BCORL1: variants seen among roughly 807,000 people sequenced by gnomAD.
BCORL1 encodes the protein BCL6 corepressor like 1, also known as BCL-6 corepressor-like protein 1.
A neutral mutation model predicts 87.6 loss-of-function variants in BCORL1; 7 were observed. That is an observed-to-expected ratio of 0.08 (90% confidence interval 0.05 to 0.15). The LOEUF (loss-of-function observed/expected upper bound fraction) is 0.15. BCORL1 is among the 10% of genes least tolerant of loss of function. BCORL1 has a pLI of 1.00. For missense variants in BCORL1, 1,215 were observed against 1,499.7 expected, an observed-to-expected ratio of 0.81 and a Z score of 3.13; for synonymous variants, 591 against 634.4, an observed-to-expected ratio of 0.93 and a Z score of 1.03.
chrX:130,043,864 G>A (rs1222581993), intron 11 of BCORL1, among the ~76,000 whole-genome samples: 53 of 89,380 alleles, frequency 5.9e-4, no homozygotes, highest in Non-Finnish European at 8.5e-4. Flanking sequence ...CTGCCTCCCT[G>A]GTTCACGCCA....
intron 1 of BCORL1, among the ~76,000 whole-genome samples, chrX:130,001,974 AT>A (rs1467011944): frequency 5.4e-5 from 6 of 110,757 alleles, no homozygotes; most frequent in Non-Finnish European, 1.1e-4. Context: ...GTGAGAGCTG[AT>A]GAGGGCCTGC....
At position 130,022,875 on chromosome X, in the gene BCORL1, C is replaced by G. The variant is rs748122414; in HGVS notation, c.3608-22C>G. On this transcript the variant is annotated intron_variant, in intron 5 of 13. Coordinates refer to ENST00000540052, the MANE Select transcript of BCORL1 (RefSeq NM_001379451.1). ...GATTGTAACATTTCTGCCTTCTGTC[C>G]CCAAACCACACATCACTCCAGGTTC... The G allele has an allele frequency of 1.5e-4, 178 of 1,194,840 alleles. 1 individual carries two copies. Among genetic ancestry groups the G allele is most frequent in the Non-Finnish European group, 2.9e-5 (26 of 881,715 alleles).
At chrX:129,990,844 G>A (rs1385868659) in intron 1 of BCORL1, among the ~76,000 whole-genome samples, 1 of 111,308 alleles carries the variant, frequency 9.0e-6, no homozygotes, top group Non-Finnish European at 1.9e-5. Flanking sequence ...AAACTCTAGG[G>A]AACATTTCGG....
chrX:130,055,068 G>C (rs111404086), intron 13 of BCORL1, among the ~76,000 whole-genome samples: 128 of 111,654 alleles, frequency 1.1e-3, no homozygotes, highest in African/African-American at 3.9e-3. Context: ...GTGGAATAGT[G>C]AGGAGGGAAA....
Position 130,021,062 on chromosome X carries a change from CA to C in BCORL1, c.3521del (p.Asn1174MetfsTer48). ...GGGCTTCAGATTCAGGAAAAGAGCA[CA>C]ATGGAGTCAGGGGAAAGCACAAGCA... ...RGASDSGKEH[N>X]GVRGKHKHRK... On this transcript the variant is annotated frameshift_variant, in exon 5 of 14. Coordinates refer to ENST00000540052, the MANE Select transcript of BCORL1 (RefSeq NM_001379451.1). LOFTEE classifies it high-confidence loss of function. The C allele has an allele frequency of 8.4e-7, 1 of 1,195,281 alleles. No individual in the cohort carries two copies. The highest frequency in any genetic ancestry group is 1.1e-6 in the Non-Finnish European group (1 of 889,252).
rs143911631 is a variant in BCORL1, at chrX:130,056,072, G to C, written c.5294G>C (p.Arg1765Pro). 33 of 1,204,631 alleles carry C rather than the reference G, an allele frequency of 2.7e-5. No individual in the cohort carries two copies. The highest frequency in any genetic ancestry group is 1.2e-5 in the Non-Finnish European group (11 of 891,625). The change falls in exon 14 of 14, where the codon CGG becomes CCG. Residue 1765 changes from arginine (R) to proline (P), a missense_variant. Coordinates refer to ENST00000540052, the MANE Select transcript of BCORL1 (RefSeq NM_001379451.1). ...TCCTCTGAGACTGTGGAGCTGGTGC[G>C]GTACGAGCCAGACCTACTTCGGCTC... ...PGSSETVELV[R>P]YEPDLLRLLG...
Position 130,000,283 on chromosome X carries a change from C to T in BCORL1, c.-44-4905C>T, listed in dbSNP as rs767490636. 5.8e-3 allele frequency among the ~76,000 whole-genome samples: 652 copies of T among 111,599 alleles called. 4 individuals are homozygous for T. Among genetic ancestry groups the T allele is most frequent in the Non-Finnish European group, 9.5e-3 (507 of 53,111 alleles). ...GAACTCCTGGACTCAAGCAATCCTC[C>T]CAGCTCAACCTCCCAAAGTTCTGGG... On this transcript the variant is annotated intron_variant, in intron 1 of 13. Transcript: ENST00000540052.
In BCORL1 at chrX:130,021,046, A is replaced by T. The variant is rs1377268528; in HGVS notation, c.3503A>T (p.Asp1168Val). Residue 1168 changes from aspartate (D) to valine (V), a missense_variant, in exon 5 of 14, where the codon GAT (aspartate) becomes GTT (valine). By Grantham distance (152) the Asp-to-Val change is radical (BLOSUM62 -3). Coordinates refer to ENST00000540052, the MANE Select transcript of BCORL1 (RefSeq NM_001379451.1). ...AAGAAAAGCCCCAGGGGGGCTTCAGATTCAGGAAAAGAGCACAATGGAGTC... is the reference window on the plus strand; with the variant it reads ...AAGAAAAGCCCCAGGGGGGCTTCAGTTTCAGGAAAAGAGCACAATGGAGTC... The part of the protein sequence containing the change: ...STKKSPRGAS[D>V]SGKEHNGVRG... 1 of 1,188,245 alleles carries T rather than the reference A, an allele frequency of 8.4e-7. No individual in the cohort carries two copies. Among genetic ancestry groups the T allele is most frequent in the African/African-American group, 1.8e-5 (1 of 55,245 alleles).
chrX:130,014,412 C>A lies in BCORL1; in HGVS notation c.1640C>A (p.Pro547His). The A allele has an allele frequency of 1.7e-6, 2 of 1,211,714 alleles. No individual in the cohort carries two copies. The highest frequency in any genetic ancestry group is 2.2e-6 in the Non-Finnish European group (2 of 895,488). Residue 547 changes from proline to histidine, a missense_variant, in exon 4 of 14, where the codon CCT (proline) becomes CAT (histidine). Coordinates refer to ENST00000540052, the MANE Select transcript of BCORL1 (RefSeq NM_001379451.1). ...TQPAPDGVPG[P>H]LADTSLVTAS... ...CCTGCACCCGATGGGGTCCCTGGGC[C>A]TTTGGCAGATACCTCCCTTGTTACT...
chrX:129,983,676 C>G (rs1422724286), intron 1 of BCORL1, among the ~76,000 whole-genome samples: 4 of 105,685 alleles, frequency 3.8e-5, no homozygotes, highest in Non-Finnish European at 7.8e-5. Context: ...TCGGAGCGCC[C>G]TGGCTCCGCT....
rs1474065443 is a variant in BCORL1, at chrX:130,014,626, C to T, written c.1854C>T (p.Ser618=). The change falls in exon 4 of 14, where the codon AGC becomes AGT. Residue 618 remains serine (S), a synonymous_variant. Transcript: ENST00000540052. ...EREMASPPEC[S]EMPLDLSSKS... ...AGATGGCCTCTCCACCTGAGTGCAG[C>T]GAGATGCCCCTTGATCTGTCCTCCA... The T allele has an allele frequency of 4.1e-6, 5 of 1,209,340 alleles. No individual in the cohort carries two copies. The Admixed American group carries it at 6.6e-5, about 16-fold the overall frequency.
At chrX:129,981,925 T>A (rs866652539), upstream of BCORL1, 1 of 23,537 alleles carries the variant, frequency 4.2e-5, no homozygotes, top group African/African-American at 1.9e-4. Flanking sequence ...GCGACGACGG[T>A]GGGGGGGGGA....
chrX:129,984,171 C>T (rs1322647077), intron 1 of BCORL1, among the ~76,000 whole-genome samples: 1 of 102,152 alleles, frequency 9.8e-6, no homozygotes, highest in African/African-American at 3.5e-5. Flanking sequence ...GCTGCTGCCG[C>T]CGCCGCTGCC....
chrX:130,006,679 G>T (rs781545940), intron 2 of BCORL1, among the ~76,000 whole-genome samples: 12 of 105,407 alleles, frequency 1.1e-4, no homozygotes, highest in Non-Finnish European at 3.9e-5. Context: ...TTTATTTATT[G>T]ATTTATTTAT....
rs771547990 is a variant in BCORL1 at position 129,986,629 on chromosome X, G to A, written c.-45+3867G>A. On this transcript the variant is annotated intron_variant, in intron 1 of 13. Transcript: ENST00000540052. ...AGGTCAGGAGTTCAAGACCAGCCTG[G>A]CCAACATGGTGAAACCCCGTTTCTA... is the stretch of plus-strand genomic sequence containing the variant. Among the ~76,000 whole-genome samples the A allele has an allele frequency of 7.2e-4, 80 of 111,248 alleles. 1 individual carries two copies. The highest frequency in any genetic ancestry group is 1.4e-3 in the Non-Finnish European group (74 of 52,994).
chrX:130,010,871 G>A (rs1355183004), intron 2 of BCORL1, among the ~76,000 whole-genome samples: 1 of 108,143 alleles, frequency 9.2e-6, no homozygotes, highest in Non-Finnish European at 1.9e-5. Context: ...GGTGGAGCAT[G>A]CCTATAATTC....
At chrX:130,032,771 ATTTATTTG>A (rs1335314496) in intron 8 of BCORL1, among the ~76,000 whole-genome samples, 10 of 105,113 alleles carry the variant, frequency 9.5e-5, no homozygotes, top group Non-Finnish European at 1.7e-4. Context: ...TTATTTATTT[ATTTATTTG>A]TAATGGAGTT....
intron 11 of BCORL1, among the ~76,000 whole-genome samples, chrX:130,049,822 G>A (rs190129705): frequency 2.7e-4 from 30 of 112,571 alleles, no homozygotes; most frequent in African/African-American, 9.3e-4. Context: ...ACATTGGAGA[G>A]ATTATGATTC....
At chrX:129,985,046 C>T (rs747880374) in intron 1 of BCORL1, among the ~76,000 whole-genome samples, 1 of 110,848 alleles carries the variant, frequency 9.0e-6, no homozygotes, top group Non-Finnish European at 1.9e-5. Context: ...GTTTGGAGGT[C>T]GTCCCTGTGG....
Sources: gnomAD v4.1 joint callset for allele counts (sites outside exome capture counted in the v4.1 genomes callset) on GRCh38, gnomAD v4.1.1 for gene constraint, MANE v1.5 for transcripts, NCBI Gene and HGNC (gene_info 2026-07-23, HGNC 2026-07-21) for gene names.